Variants in DTX4 observed in about 807,000 individuals in gnomAD.
The protein encoded by DTX4 is deltex E3 ubiquitin ligase 4.
DTX4 carries 28 observed loss-of-function variants against 57.6 expected under a neutral mutation model. The observed-to-expected ratio is 0.49, with a 90% CI of 0.36 to 0.67. DTX4 has a LOEUF of 0.67. Ranked by LOEUF, DTX4 falls within the 30% of genes least tolerant of loss-of-function variation. The probability of loss-of-function intolerance (pLI) is 0.00; values close to 1 mark genes in which losing one functional copy is unlikely to be tolerated. For synonymous variants in DTX4, 316 were observed against 331.0 expected (o/e 0.95, Z 0.49); for missense variants, 715 against 836.8 (o/e 0.85, Z 1.80).
At chr11:59,204,636 A>G (rs763217846) in intron 8 of DTX4, 40 bp from the exon 9 acceptor site, 18 of 1,563,460 alleles carry the variant, frequency 1.2e-5, no homozygotes, top group African/African-American at 6.8e-5. Context: ...TTGACTGCCA[A>G]TTAATGTCTG....
chr11:59,201,991 C>T (rs1451801626), intron 8 of DTX4, among the ~76,000 whole-genome samples: 2 of 152,246 alleles, frequency 1.3e-5, no homozygotes, highest in African/African-American at 2.4e-5. Flanking sequence ...TTCCAAACCA[C>T]TAGACTCCTC....
chr11:59,199,187 A>G (rs1362785677), intron 7 of DTX4, among the ~76,000 whole-genome samples: 4 of 152,248 alleles, frequency 2.6e-5, no homozygotes, highest in Non-Finnish European at 5.9e-5. Context: ...TATTCTGAGT[A>G]GTTAAAAATC....
chr11:59,181,937 T>A lies in DTX4; in HGVS notation c.410T>A (p.Phe137Tyr). The A allele has an allele frequency of 6.2e-7, 1 of 1,613,858 alleles. No homozygotes were observed. The highest frequency in any genetic ancestry group is 8.5e-7 in the Non-Finnish European group (1 of 1,179,836). ...TSIGFSYVIDFNTMGQINRQT... is the reference protein window; with the variant it reads ...TSIGFSYVIDYNTMGQINRQT... Reference sequence around the variant, plus strand: ...ATTGGCTTTAGCTACGTAATTGACTTCAACACCATGGGCCAGATCAACCGT... The same window carrying A: ...ATTGGCTTTAGCTACGTAATTGACTACAACACCATGGGCCAGATCAACCGT... The change falls in exon 2 of 9, where the codon TTC becomes TAC. Residue 137 changes from phenylalanine to tyrosine, a missense_variant. Physicochemically the swap from Phe to Tyr is conservative, Grantham distance 22. Coordinates refer to ENST00000227451, the MANE Select transcript of DTX4 (RefSeq NM_015177.2).
chr11:59,176,709 T>C (rs1222970666), intron 1 of DTX4, among the ~76,000 whole-genome samples: 3 of 152,222 alleles, frequency 2.0e-5, no homozygotes, highest in South Asian at 2.1e-4. Context: ...GGCCTTCCAC[T>C]TCCCAGAAGC....
intron 7 of DTX4, 140 bp downstream of exon 7, chr11:59,195,509 C>A: frequency 1.1e-6 from 1 of 920,024 alleles, no homozygotes; most frequent in Non-Finnish European, 1.6e-6. Flanking sequence ...GCTGACACTA[C>A]ATCCCCCGAC....
chr11:59,191,255 G>C, intron 5 of DTX4, 80 bp downstream of exon 5: 1 of 1,404,024 alleles, frequency 7.1e-7, no homozygotes, highest in Non-Finnish European at 9.8e-7. Context: ...GTTTCTACAG[G>C]ATATGGCGGG....
rs1435693585 is a variant in DTX4, at chr11:59,182,357, C to G, written c.830C>G (p.Pro277Arg). Residue 277 changes from proline to arginine, a missense_variant, in exon 2 of 9, where the codon CCC becomes CGC. By Grantham distance (103) the Pro-to-Arg change is moderately radical. Coordinates refer to ENST00000227451, the MANE Select transcript of DTX4 (RefSeq NM_015177.2). ...TGTTMGSPASPPGPNSKTGRV... is the reference protein window; with the variant it reads ...TGTTMGSPASRPGPNSKTGRV... ...ACAACCATGGGCTCTCCTGCCAGTCCCCCAGGACCCAACAGCAAGACCGGA... is the reference window on the plus strand; with the variant it reads ...ACAACCATGGGCTCTCCTGCCAGTCGCCCAGGACCCAACAGCAAGACCGGA... 6.2e-7 allele frequency: 1 copy of G among 1,613,592 alleles called. No homozygotes were observed.
In DTX4 at chr11:59,181,899, C is replaced by T. The variant is rs776635786; in HGVS notation, c.372C>T (p.Ile124=). 112 of 1,613,976 alleles carry T rather than the reference C, an allele frequency of 6.9e-5. 1 individual carries two copies. In the South Asian group the frequency reaches 1.1e-3, roughly 16 times the overall value. The change falls in exon 2 of 9, where the codon ATC becomes ATT. Residue 124 remains isoleucine, a synonymous_variant. Coordinates refer to ENST00000227451, the MANE Select transcript of DTX4 (RefSeq NM_015177.2). ...CCTATGAGAAGCAGCACCCCTGGAT[C>T]GACCTCACTTCCATTGGCTTTAGCT... ...QHAYEKQHPW[I]DLTSIGFSYV...
At chr11:59,173,402 T>C (rs2135508931) in intron 1 of DTX4, among the ~76,000 whole-genome samples, 1 of 152,256 alleles carries the variant, frequency 6.6e-6, no homozygotes, top group East Asian at 1.9e-4. Context: ...CCGGGCTCCC[T>C]GGGAGGAGAG....
At position 59,172,262 on chromosome 11, in the gene DTX4, C is replaced by T. The variant is rs1269886341; in HGVS notation, c.-334C>T. Among the ~76,000 whole-genome samples the T allele has an allele frequency of 6.6e-6, 1 of 151,986 alleles. No individual in the cohort carries two copies. Among genetic ancestry groups the T allele is most frequent in the East Asian group, 1.9e-4 (1 of 5,160 alleles). On this transcript the variant is annotated 5_prime_UTR_variant, in exon 1 of 9. Transcript: ENST00000227451. ...CGGCCGCCGGGGCTCGGGCCGCGCG[C>T]CCGCCGAGTGGCTTTTGCAAGGCGG...
chr11:59,180,147 G>A (rs1353885612), intron 1 of DTX4, among the ~76,000 whole-genome samples: 6 of 152,090 alleles, frequency 3.9e-5, no homozygotes, highest in Admixed American at 3.9e-4. Flanking sequence ...AACAGATGAG[G>A]AAACTGAGGC....
At chr11:59,187,314 T>C (rs1862540815) in intron 2 of DTX4, among the ~76,000 whole-genome samples, 1 of 152,190 alleles carries the variant, frequency 6.6e-6, no homozygotes, top group African/African-American at 2.4e-5. Flanking sequence ...AATGTAGTTG[T>C]CTCTAAAATG....
chr11:59,195,069 G>A, intron 6 of DTX4, 139 bp from the exon 7 acceptor site: 1 of 871,492 alleles, frequency 1.1e-6, no homozygotes. Context: ...TGGGCTGGGA[G>A]GGAAAAACTA....
At position 59,189,242 on chromosome 11, in the gene DTX4, C is replaced by A. The variant is rs764265922; in HGVS notation, c.1078C>A (p.Pro360Thr). The change falls in exon 4 of 9, where the codon CCC (proline) becomes ACC (threonine). Residue 360 changes from proline (P) to threonine (T), a missense_variant. By Grantham distance (38) the Pro-to-Thr change is conservative. Coordinates refer to ENST00000227451, the MANE Select transcript of DTX4 (RefSeq NM_015177.2). ...RPPKLVLHPP[P>T]VSKSEIKSIP... ...ACCAAAGCTGGTCCTACACCCACCCCCCGTCAGCAAGAGTGAAATAAAATC... is the reference window on the plus strand; with the variant it reads ...ACCAAAGCTGGTCCTACACCCACCCACCGTCAGCAAGAGTGAAATAAAATC... 3.1e-6 allele frequency: 5 copies of A among 1,611,702 alleles called. No homozygotes were observed. Among genetic ancestry groups the A allele is most frequent in the African/African-American group, 1.3e-5 (1 of 74,838 alleles).
intron 8 of DTX4, 21 bp downstream of exon 8, chr11:59,199,794 A>G: frequency 6.5e-7 from 1 of 1,548,798 alleles, no homozygotes; most frequent in East Asian, 2.4e-5. Context: ...AAGTTTCCAC[A>G]TAGAACTAGG....
At position 59,195,191 on chromosome 11, in the gene DTX4, TG is replaced by T; in HGVS notation, c.1375-15del. ...AAACTGTTTCCCAATCTGGCTCTTC[TG>T]GCCTTGGCCCCTCAGGATGGAAGTT... On this transcript the variant is annotated splice_polypyrimidine_tract_variant and intron_variant, in intron 6 of 8. Coordinates refer to ENST00000227451, the MANE Select transcript of DTX4 (RefSeq NM_015177.2). 1 of 1,613,986 alleles carries T rather than the reference TG, an allele frequency of 6.2e-7. No homozygotes were observed.
intron 7 of DTX4, 150 bp downstream of exon 7, chr11:59,195,519 C>T: frequency 1.1e-6 from 1 of 880,014 alleles, no homozygotes; most frequent in Non-Finnish European, 1.7e-6. Context: ...CATCCCCCGA[C>T]TCAACACTAT....
chr11:59,178,688 A>T (rs758533702), intron 1 of DTX4, among the ~76,000 whole-genome samples: 18 of 152,230 alleles, frequency 1.2e-4, no homozygotes, highest in Non-Finnish European at 5.9e-5. Flanking sequence ...ATTGGTGCAC[A>T]TCAGCATAGT....
At chr11:59,197,037 G>C (rs1343181991) in intron 7 of DTX4, among the ~76,000 whole-genome samples, 2 of 152,180 alleles carry the variant, frequency 1.3e-5, no homozygotes, top group African/African-American at 4.8e-5. Context: ...TAGACAACAG[G>C]CCCTTGACCT....
Sources: gnomAD v4.1 joint callset for allele counts (sites outside exome capture counted in the v4.1 genomes callset) on GRCh38, gnomAD v4.1.1 for gene constraint, MANE v1.5 for transcripts, NCBI Gene and HGNC (gene_info 2026-07-23, HGNC 2026-07-21) for gene names.